MDM4: variants seen among roughly 807,000 people sequenced by gnomAD.
The protein encoded by MDM4 is MDM4 regulator of p53.
Under a neutral mutation model 60.2 loss-of-function variants are expected in MDM4, and 2 were observed. The observed-to-expected ratio is 0.03, with a 90% CI of 0.01 to 0.10. MDM4 has a LOEUF of 0.10. Ranked by LOEUF, MDM4 falls within the 10% of genes least tolerant of loss-of-function variation. The pLI is 1.00. For missense variants in MDM4, 447 were observed against 577.5 expected (o/e 0.77, Z 2.32); for synonymous variants, 202 against 198.1 (o/e 1.02, Z -0.17).
chr1:204,545,067 G>A (rs1353071694), intron 9 of MDM4, among the ~76,000 whole-genome samples: 2 of 151,954 alleles, frequency 1.3e-5, no homozygotes, highest in East Asian at 1.9e-4. Flanking sequence ...GTTTTCTTGC[G>A]ATTTTTTTTC....
intron 1 of MDM4, among the ~76,000 whole-genome samples, chr1:204,521,918 G>A (rs911225649): frequency 1.3e-5 from 2 of 152,146 alleles, no homozygotes; most frequent in South Asian, 4.1e-4. Context: ...AATAAAGCAG[G>A]GAAGGAGATA....
At position 204,544,648 on chromosome 1, in the gene MDM4, A is replaced by C; in HGVS notation, c.786A>C (p.Gln262His). Residue 262 changes from glutamine (Q) to histidine (H), a missense_variant, in exon 9 of 11, where the codon CAA becomes CAC. By Grantham distance (24) the Gln-to-His change is conservative (BLOSUM62 0). Transcript: ENST00000367182. Reference protein sequence around the residue: ...GIKVEAADTEQTSEEVGKVSD... With the variant: ...GIKVEAADTEHTSEEVGKVSD... ...AAGTTGAAGCTGCTGATACTGAACAAACAAGTGAAGAAGTAGGGAAAGTAA... is the reference window on the plus strand; with the variant it reads ...AAGTTGAAGCTGCTGATACTGAACACACAAGTGAAGAAGTAGGGAAAGTAA... The C allele has an allele frequency of 6.2e-7, 1 of 1,613,622 alleles. No homozygotes were observed. Among genetic ancestry groups the C allele is most frequent in the Non-Finnish European group, 8.5e-7 (1 of 1,179,666 alleles).
intron 7 of MDM4, among the ~76,000 whole-genome samples, chr1:204,540,602 A>C (rs930502853): frequency 3.3e-5 from 5 of 151,808 alleles, no homozygotes; most frequent in Non-Finnish European, 5.9e-5. Context: ...GTCTATATTA[A>C]AAATACAAAA....
intron 6 of MDM4, 65 bp downstream of exon 6, chr1:204,537,562 C>A (rs2102391911): frequency 1.7e-6 from 2 of 1,148,928 alleles, no homozygotes; most frequent in Non-Finnish European, 2.6e-6. Context: ...ACCTATGGAT[C>A]TTGGACTCCC....
rs116550528 is a variant in MDM4, at chr1:204,550,123, C to T, written c.*441C>T. 5.7e-3 allele frequency: 1,320 copies of T among 230,030 alleles called. 18 individuals are homozygous for T. Among genetic ancestry groups the T allele is most frequent in the African/African-American group, 0.025 (1,133 of 45,072 alleles). The allele number at this position is 230,030 out of a possible 1,614,324, so 14.2% of individuals were successfully genotyped here. The stretch of plus-strand genomic sequence containing the variant: ...AGTCCTTCAGCTATTTCATGGCTCT[C>T]ACCCTAGTTTTTTTTTTTTTTGCAC... On this transcript the variant is annotated 3_prime_UTR_variant, in exon 11 of 11. Transcript: ENST00000367182.
chr1:204,548,928 G>A (rs183001402), intron 10 of MDM4, among the ~76,000 whole-genome samples, 185 bp from the exon 11 acceptor site: 4 of 151,990 alleles, frequency 2.6e-5, no homozygotes, highest in African/African-American at 7.2e-5. Context: ...AGCAGTTGTG[G>A]CACTATCAGT....
chr1:204,519,279 G>A (rs542918325), intron 1 of MDM4, among the ~76,000 whole-genome samples: 16 of 152,194 alleles, frequency 1.1e-4, no homozygotes, highest in Admixed American at 1.3e-4. Flanking sequence ...CAAGGTGGGC[G>A]GATCACCTGG....
At chr1:204,544,738 C>T (rs1401694844) in intron 9 of MDM4, 54 bp downstream of exon 9, 2 of 1,511,736 alleles carry the variant, frequency 1.3e-6, no homozygotes, top group Non-Finnish European at 9.0e-7. Context: ...ATAGTATCAT[C>T]TGTTGAGATT....
At chr1:204,521,013 C>T (rs1421733490) in intron 1 of MDM4, among the ~76,000 whole-genome samples, 3 of 152,074 alleles carry the variant, frequency 2.0e-5, no homozygotes, top group East Asian at 1.9e-4. Flanking sequence ...TGCTGCTAAA[C>T]GGGGATGTTA....
chr1:204,523,245 G>A (rs539885807), intron 1 of MDM4, among the ~76,000 whole-genome samples: 81 of 148,786 alleles, frequency 5.4e-4, no homozygotes, highest in Middle Eastern at 3.4e-3. Context: ...TGAGGCAGGC[G>A]GATCACGAGG....
intron 1 of MDM4, among the ~76,000 whole-genome samples, chr1:204,520,588 G>A (rs747527541): frequency 6.6e-6 from 1 of 151,986 alleles, no homozygotes; most frequent in African/African-American, 2.4e-5. Context: ...AGATTATTGC[G>A]TTAAAAATAA....
At chr1:204,531,368 T>C (rs745506205) in intron 4 of MDM4, among the ~76,000 whole-genome samples, 1 of 152,166 alleles carries the variant, frequency 6.6e-6, no homozygotes, top group Non-Finnish European at 1.5e-5. Context: ...AGGTTGATGA[T>C]GAGCCTGGTA....
At chr1:204,540,957 A>G (rs914516625) in intron 7 of MDM4, among the ~76,000 whole-genome samples, 1 of 152,184 alleles carries the variant, frequency 6.6e-6, no homozygotes, top group Non-Finnish European at 1.5e-5. Context: ...GTTATTTTAA[A>G]AGCTTAAATT....
intron 7 of MDM4, among the ~76,000 whole-genome samples, chr1:204,542,134 C>CT (rs1662155123): frequency 6.6e-6 from 1 of 152,294 alleles, no homozygotes; most frequent in East Asian, 1.9e-4. Context: ...ATACTTAACT[C>CT]TAAGAGCCCA....
At chr1:204,527,032 C>T (rs1259152492) in intron 3 of MDM4, among the ~76,000 whole-genome samples, 11 of 151,980 alleles carry the variant, frequency 7.2e-5, no homozygotes, top group Non-Finnish European at 8.8e-5. Flanking sequence ...CCATAGCTCA[C>T]GCCTGCAATC....
At position 204,522,501 on chromosome 1, in the gene MDM4, G is replaced by A. The variant is rs181790274; in HGVS notation, c.-35-2983G>A. On this transcript the variant is annotated intron_variant, in intron 1 of 10. Transcript: ENST00000367182. ...CAACCTCCGCTTCCCAAGTTCAGGC[G>A]ATTCTCCTGTCTCAGCCTCCCGAGT... is the stretch of plus-strand genomic sequence containing the variant. Among the ~76,000 whole-genome samples, 63 of 151,740 alleles carry A rather than the reference G, an allele frequency of 4.2e-4. No homozygotes were observed. The East Asian group carries it at 8.8e-3, about 21-fold the overall frequency.
At position 204,549,506 on chromosome 1, in the gene MDM4, C is replaced by G; in HGVS notation, c.1297C>G (p.Leu433Val). The G allele has an allele frequency of 6.2e-7, 1 of 1,610,942 alleles. No individual in the cohort carries two copies. Among genetic ancestry groups the G allele is most frequent in the Non-Finnish European group, 8.5e-7 (1 of 1,179,190 alleles). ...AGAAAACATGGAGGATTGCCAGAAT[C>G]TCTTGAAGCCATGTAGCTTATGTGA... ...DTENMEDCQN[L>V]LKPCSLCEKR... Residue 433 changes from leucine to valine, a missense_variant, in exon 11 of 11, where the codon CTC becomes GTC. By Grantham distance (32) the Leu-to-Val change is conservative. Transcript: ENST00000367182.
Position 204,527,033 on chromosome 1 carries a change from G to A in MDM4, c.153+599G>A, listed in dbSNP as rs145544338. Among the ~76,000 whole-genome samples, 556 of 151,982 alleles carry A rather than the reference G, an allele frequency of 3.7e-3. 1 individual carries two copies. Among genetic ancestry groups the A allele is most frequent in the Middle Eastern group, 0.017 (5 of 294 alleles). On this transcript the variant is annotated intron_variant, in intron 3 of 10. Transcript: ENST00000367182. ...CACTGGGCCTGGCACCATAGCTCAC[G>A]CCTGCAATCCCAGTATTTTGGGAGG...
chr1:204,544,032 T>C (rs1662397673), intron 8 of MDM4, among the ~76,000 whole-genome samples: 1 of 152,220 alleles, frequency 6.6e-6, no homozygotes, highest in South Asian at 2.1e-4. Context: ...GAAATATTCA[T>C]AGATGAATGC....
Sources: allele counts gnomAD v4.1 joint callset (sites outside exome capture counted in the v4.1 genomes callset), GRCh38; gene constraint gnomAD v4.1.1; transcripts MANE v1.5; gene names NCBI Gene and HGNC (gene_info 2026-07-23, HGNC 2026-07-21).